B3GNT7: variants seen among roughly 807,000 people sequenced by gnomAD.
B3GNT7 encodes the protein BGnT-7.
Under a neutral mutation model 5.1 loss-of-function variants are expected in B3GNT7, and 9 were observed. That is an observed-to-expected ratio of 1.77 (90% CI 1.07 to 3.09). B3GNT7 has a LOEUF of 3.09. B3GNT7 is among the 30% of genes most tolerant of loss of function. B3GNT7 has a pLI of 0.00. For missense variants in B3GNT7, 468 were observed against 550.8 expected, an observed-to-expected ratio of 0.85 and a Z score of 1.50; for synonymous variants, 253 against 248.6, an observed-to-expected ratio of 1.02 and a Z score of -0.17.
chr2:231,398,370 C>G lies in B3GNT7; in HGVS notation c.651C>G (p.Leu217=). 1 of 1,613,686 alleles carries G rather than the reference C, an allele frequency of 6.2e-7. No homozygotes were observed. Among genetic ancestry groups the G allele is most frequent in the South Asian group, 1.1e-5 (1 of 91,084 alleles). Residue 217 remains leucine (L), a synonymous_variant, in exon 2 of 2, where the codon CTC becomes CTG. Transcript: ENST00000287590. ...TCGACACCTTCTTCAACCTGACCCT[C>G]AAGGAGATCCACTTCCTCAAGTGGC... ...GFLDTFFNLT[L]KEIHFLKWLD... is the part of the protein sequence containing the mutation.
Position 231,398,829 on chromosome 2 carries a change from G to A in B3GNT7, c.1110G>A (p.Met370Ile). 6.2e-7 allele frequency: 1 copy of A among 1,602,910 alleles called. No homozygotes were observed. Among genetic ancestry groups the A allele is most frequent in the Non-Finnish European group, 8.5e-7 (1 of 1,179,740 alleles). Residue 370 changes from methionine (M) to isoleucine (I), a missense_variant, in exon 2 of 2, where the codon ATG (methionine) becomes ATA (isoleucine). Physicochemically the swap from Met to Ile is conservative, Grantham distance 10 (BLOSUM62 1). Coordinates refer to ENST00000287590, the MANE Select transcript of B3GNT7 (RefSeq NM_145236.3). ...AGGAGCCGTGCTTTTTCCGCGCCAT[G>A]CTCGTGGTGCACAAGCTGCTGCCCC... ...MNKEPCFFRAMLVVHKLLPPE... is the reference protein window; with the variant it reads ...MNKEPCFFRAILVVHKLLPPE...
rs1036481921 is a variant in B3GNT7, at chr2:231,400,869, G to A, written c.*1944G>A. The stretch of plus-strand genomic sequence containing the variant: ...CTAGACGACCTTGGCGCCACCACCT[G>A]GCCCTGGTGGTTAAAATGATAATAA... On this transcript the variant is annotated 3_prime_UTR_variant, in exon 2 of 2. Transcript: ENST00000287590. 2 of 152,172 alleles carry A rather than the reference G, an allele frequency of 1.3e-5. No homozygotes were observed. Among genetic ancestry groups the A allele is most frequent in the African/African-American group, 4.8e-5 (2 of 41,424 alleles). The allele number at this position is 152,172 out of a possible 1,614,324, so 9.4% of individuals were successfully genotyped here.
Position 231,400,521 on chromosome 2 carries a change from C to T in B3GNT7, c.*1596C>T, listed in dbSNP as rs1255312258. On this transcript the variant is annotated 3_prime_UTR_variant, in exon 2 of 2. Transcript: ENST00000287590. The stretch of plus-strand genomic sequence containing the variant: ...AGGCAACCTGAAAGCACTGAAATAG[C>T]TTATGGCCCTGTGCCAGGGACCTTG... The T allele has an allele frequency of 6.6e-6, 1 of 152,382 alleles. No homozygotes were observed. Among genetic ancestry groups the T allele is most frequent in the African/African-American group, 2.4e-5 (1 of 41,464 alleles). 9.4% of individuals were successfully genotyped at this position (152,382 alleles called of 1,614,324 possible). A position where few individuals can be genotyped will look rare whatever the true frequency, so the allele number is the denominator to read the frequency against.
intron 1 of B3GNT7, among the ~76,000 whole-genome samples, chr2:231,396,659 C>T (rs894076087): frequency 1.3e-5 from 2 of 152,204 alleles, no homozygotes; most frequent in East Asian, 1.9e-4. Context: ...TGGAGGTCAG[C>T]GCCATCTCTC....
chr2:231,398,180 G>A lies in B3GNT7; in HGVS notation c.461G>A (p.Arg154His), dbSNP rs755094565. The A allele has an allele frequency of 5.0e-6, 8 of 1,591,146 alleles. No homozygotes were observed. Among genetic ancestry groups the A allele is most frequent in the African/African-American group, 1.3e-5 (1 of 74,506 alleles). ...CAGCACGACCGCCGCGAGGCCATCC[G>A]CCAGACCTGGGGCCGCGAGCGGCAG... ...ITQHDRREAI[R>H]QTWGRERQSA... The change falls in exon 2 of 2, where the codon CGC becomes CAC. Residue 154 changes from arginine to histidine, a missense_variant. Transcript: ENST00000287590.
At position 231,398,637 on chromosome 2, in the gene B3GNT7, C is replaced by G. The variant is rs374333504; in HGVS notation, c.918C>G (p.Ala306=). The G allele has an allele frequency of 5.6e-6, 9 of 1,611,960 alleles. No homozygotes were observed. In the African/African-American group the frequency reaches 1.2e-4, roughly 22 times the overall value. Residue 306 remains alanine, a synonymous_variant, in exon 2 of 2, where the codon GCC becomes GCG. Coordinates refer to ENST00000287590, the MANE Select transcript of B3GNT7 (RefSeq NM_145236.3). The part of the protein sequence containing the change: ...PYAGGGGFLM[A]GSLARRLHHA... ...CAGGCGGCGGTGGCTTCCTCATGGC[C>G]GGCAGCCTGGCCCGGCGCCTGCACC... is the stretch of plus-strand genomic sequence containing the variant.
rs138982818 is a variant in B3GNT7, at chr2:231,398,865, C to G, written c.1146C>G (p.Leu382=). 255 of 1,598,672 alleles carry G rather than the reference C, an allele frequency of 1.6e-4. 1 individual carries two copies. In the African/African-American group the frequency reaches 3.1e-3, roughly 19 times the overall value. The change falls in exon 2 of 2, where the codon CTC becomes CTG. Residue 382 remains leucine (L), a synonymous_variant. Coordinates refer to ENST00000287590, the MANE Select transcript of B3GNT7 (RefSeq NM_145236.3). The part of the protein sequence containing the change: ...VVHKLLPPEL[L]AMWGLVHSNL... ...ACAAGCTGCTGCCCCCTGAGCTGCT[C>G]GCCATGTGGGGGCTGGTGCACAGCA...
At position 231,398,221 on chromosome 2, in the gene B3GNT7, C is replaced by G; in HGVS notation, c.502C>G (p.Arg168Gly). 2 of 1,600,988 alleles carry G rather than the reference C, an allele frequency of 1.2e-6. No individual in the cohort carries two copies. The highest frequency in any genetic ancestry group is 2.2e-5 in the East Asian group (1 of 44,708). The change falls in exon 2 of 2, where the codon CGA becomes GGA. Residue 168 changes from arginine to glycine, a missense_variant. Coordinates refer to ENST00000287590, the MANE Select transcript of B3GNT7 (RefSeq NM_145236.3). ...GRERQSAGGG[R>G]GAVRTLFLLG... Reference sequence around the variant, plus strand: ...CGAGCGGCAGTCCGCGGGTGGGGGCCGAGGCGCCGTGCGCACCCTCTTCCT... The same window carrying G: ...CGAGCGGCAGTCCGCGGGTGGGGGCGGAGGCGCCGTGCGCACCCTCTTCCT...
intron 1 of B3GNT7, among the ~76,000 whole-genome samples, chr2:231,396,161 GGC>G (rs2046512113): frequency 6.6e-6 from 1 of 152,046 alleles, no homozygotes; most frequent in Admixed American, 6.5e-5. Flanking sequence ...GACCCCTGAG[GGC>G]CCCCTGCGTC....
intron 1 of B3GNT7, chr2:231,397,172 C>T (rs2046522489): frequency 3.0e-6 from 3 of 985,440 alleles, no homozygotes; most frequent in Non-Finnish European, 2.4e-6. Context: ...CTCCAATGTG[C>T]CCCACATGTG....
At chr2:231,397,278 A>G (rs2046523316) in intron 1 of B3GNT7, 22 of 989,166 alleles carry the variant, frequency 2.2e-5, no homozygotes, top group Non-Finnish European at 2.6e-5. Context: ...TGCTGTGGGT[A>G]GGTACACCGC....
chr2:231,397,624 C>A (rs1028145874), intron 1 of B3GNT7, 107 bp from the exon 2 acceptor site: 2 of 1,054,460 alleles, frequency 1.9e-6, no homozygotes, highest in Admixed American at 2.7e-5. Context: ...AGCCTGTGCC[C>A]AGGTCCACTT....
rs1243262213 is a variant in B3GNT7, at chr2:231,398,537, G to A, written c.818G>A (p.Arg273Gln). 2 of 1,613,510 alleles carry A rather than the reference G, an allele frequency of 1.2e-6. No individual in the cohort carries two copies. Among genetic ancestry groups the A allele is most frequent in the Non-Finnish European group, 1.7e-6 (2 of 1,179,778 alleles). Residue 273 changes from arginine (R) to glutamine (Q), a missense_variant, in exon 2 of 2, where the codon CGG becomes CAG. Arg to Gln is a conservative substitution (Grantham distance 43). Transcript: ENST00000287590. ...LFVGDVLQHA[R>Q]PIRRKDNKYY... ...GTGGGCGATGTCCTGCAGCACGCTC[G>A]GCCCATTCGCAGGAAAGACAACAAA... is the stretch of plus-strand genomic sequence containing the variant.
rs1406535887 is a variant in B3GNT7 at position 231,398,712 on chromosome 2, C to T, written c.993C>T (p.Gly331=). 1 of 1,611,834 alleles carries T rather than the reference C, an allele frequency of 6.2e-7. No homozygotes were observed. The highest frequency in any genetic ancestry group is 1.1e-5 in the South Asian group (1 of 91,080). Reference sequence around the variant, plus strand: ...ACCCGATCGACGACGTCTTTCTGGGCATGTGCCTGGAGGTGCTGGGCGTGC... The same window carrying T: ...ACCCGATCGACGACGTCTTTCTGGGTATGTGCCTGGAGGTGCTGGGCGTGC... ...ELYPIDDVFL[G]MCLEVLGVQP... The change falls in exon 2 of 2, where the codon GGC becomes GGT. Residue 331 remains glycine, a synonymous_variant. Coordinates refer to ENST00000287590, the MANE Select transcript of B3GNT7 (RefSeq NM_145236.3).
rs1290022952 is a variant in B3GNT7, at chr2:231,398,511, C to T, written c.792C>T (p.Phe264=). 6 of 1,613,564 alleles carry T rather than the reference C, an allele frequency of 3.7e-6. No individual in the cohort carries two copies. The highest frequency in any genetic ancestry group is 2.7e-5 in the African/African-American group (2 of 74,946). Residue 264 remains phenylalanine (F), a synonymous_variant, in exon 2 of 2, where the codon TTC becomes TTT. Transcript: ENST00000287590. ...ACCGGCAGCCACAGGAAAACCTGTT[C>T]GTGGGCGATGTCCTGCAGCACGCTC... ...LADRQPQENL[F]VGDVLQHARP... is the part of the protein sequence containing the mutation.
rs1037846246 is a variant in B3GNT7 at position 231,399,227 on chromosome 2, GA to G, written c.*303del. The G allele has an allele frequency of 4.0e-5, 17 of 428,710 alleles. No homozygotes were observed. Among genetic ancestry groups the G allele is most frequent in the African/African-American group, 3.4e-4 (17 of 50,550 alleles). 26.6% of individuals were successfully genotyped at this position (428,710 alleles called of 1,614,324 possible). On this transcript the variant is annotated 3_prime_UTR_variant, in exon 2 of 2. Transcript: ENST00000287590. Reference sequence around the variant, plus strand: ...CCTGGGTCCGTTGCTGGCCCCCTCAGATGTGGTGGGAGGTCCTGGTGACCTC... The same window carrying G: ...CCTGGGTCCGTTGCTGGCCCCCTCAGTGTGGTGGGAGGTCCTGGTGACCTC...
Position 231,395,769 on chromosome 2 carries a change from C to T in B3GNT7, c.-35C>T, listed in dbSNP as rs1206126426. 2 of 1,171,436 alleles carry T rather than the reference C, an allele frequency of 1.7e-6. No homozygotes were observed. Among genetic ancestry groups the T allele is most frequent in the Non-Finnish European group, 2.1e-6 (2 of 949,592 alleles). The allele number at this position is 1,171,436 out of a possible 1,614,324, so 72.6% of individuals were successfully genotyped here. Reference sequence around the variant, plus strand: ...GAGCCGTGGCGCCCAGAGCTGCGAGCCGCTCGCCCCTCCGCCGCTCCGGCC... The same window carrying T: ...GAGCCGTGGCGCCCAGAGCTGCGAGTCGCTCGCCCCTCCGCCGCTCCGGCC... On this transcript the variant is annotated 5_prime_UTR_variant, in exon 1 of 2. Coordinates refer to ENST00000287590, the MANE Select transcript of B3GNT7 (RefSeq NM_145236.3). The surrounding 1 kb of genome is among the most constrained non-coding windows in gnomAD (Gnocchi z 7.3).
intron 1 of B3GNT7, among the ~76,000 whole-genome samples, 190 bp from the exon 2 acceptor site, chr2:231,397,541 G>A (rs1224487591): frequency 6.6e-6 from 1 of 152,148 alleles, no homozygotes; most frequent in East Asian, 1.9e-4. Flanking sequence ...GAGAGGGCAG[G>A]GTGGGAGAAA....
chr2:231,397,982 A>G lies in B3GNT7; in HGVS notation c.263A>G (p.Asn88Ser). ...GPQAWDVTTT[N>S]CSANINLTHQ... ...CAGGCCTGGGACGTGACCACCACTAACTGCTCAGCCAATATCAACTTGACC... is the reference window on the plus strand; with the variant it reads ...CAGGCCTGGGACGTGACCACCACTAGCTGCTCAGCCAATATCAACTTGACC... Residue 88 changes from asparagine to serine, a missense_variant, in exon 2 of 2, where the codon AAC becomes AGC. Coordinates refer to ENST00000287590, the MANE Select transcript of B3GNT7 (RefSeq NM_145236.3). 1 of 1,611,758 alleles carries G rather than the reference A, an allele frequency of 6.2e-7. No individual in the cohort carries two copies. Among genetic ancestry groups the G allele is most frequent in the Non-Finnish European group, 8.5e-7 (1 of 1,179,876 alleles).
Sources: allele counts gnomAD v4.1 joint callset (sites outside exome capture counted in the v4.1 genomes callset), GRCh38; gene constraint gnomAD v4.1.1; non-coding constraint Gnocchi (gnomAD v3.1); transcripts MANE v1.5; gene names NCBI Gene and HGNC (gene_info 2026-07-23, HGNC 2026-07-21).